Variants in ITGA11 observed in about 807,000 individuals in gnomAD.
The protein encoded by ITGA11 is integrin alpha-11.
ITGA11 carries 97 observed loss-of-function variants against 141.9 expected under a neutral mutation model. The observed-to-expected ratio is 0.68, with a 90% CI of 0.58 to 0.81. ITGA11 has a LOEUF of 0.81. ITGA11 is among the 30% of genes least tolerant of loss of function. The pLI, the probability that ITGA11 is intolerant of heterozygous loss-of-function variation, is 0.00. For synonymous variants in ITGA11, 658 were observed against 624.6 expected (o/e 1.05, Z -0.80); for missense variants, 1,387 against 1,559.2 (o/e 0.89, Z 1.86).
chr15:68,329,657 C>T (rs1041832327), intron 15 of ITGA11, among the ~76,000 whole-genome samples: 6 of 152,186 alleles, frequency 3.9e-5, no homozygotes, highest in East Asian at 1.9e-4. Flanking sequence ...CTGTGTACCT[C>T]CTCCCCGGGC....
intron 1 of ITGA11, among the ~76,000 whole-genome samples, chr15:68,411,941 C>T (rs543437237): frequency 5.9e-5 from 9 of 152,104 alleles, no homozygotes; most frequent in African/African-American, 2.2e-4. Flanking sequence ...CTGAGTTGCC[C>T]CAGCCCAACC....
intron 2 of ITGA11, among the ~76,000 whole-genome samples, chr15:68,376,137 C>A (rs777043902): frequency 2.6e-5 from 4 of 152,160 alleles, no homozygotes; most frequent in African/African-American, 9.7e-5. Context: ...TGGCGACTCT[C>A]ACTGGGCTCA....
At chr15:68,373,311 C>G (rs866621323) in intron 2 of ITGA11, among the ~76,000 whole-genome samples, 1 of 152,146 alleles carries the variant, frequency 6.6e-6, no homozygotes, top group African/African-American at 2.4e-5. Flanking sequence ...TGAAGGCACT[C>G]GGCAAAGAGG....
chr15:68,423,268 G>A (rs1225197069), intron 1 of ITGA11, among the ~76,000 whole-genome samples: 1 of 152,130 alleles, frequency 6.6e-6, no homozygotes, highest in Non-Finnish European at 1.5e-5. Context: ...GGGAAGTACA[G>A]GACACCTTGG....
intron 2 of ITGA11, among the ~76,000 whole-genome samples, chr15:68,394,818 T>G (rs1218539993): frequency 6.6e-6 from 1 of 152,168 alleles, no homozygotes. Flanking sequence ...AAAATTTGAA[T>G]GAAATGTACA....
intron 1 of ITGA11, among the ~76,000 whole-genome samples, chr15:68,422,105 G>C (rs555066003): frequency 6.6e-6 from 1 of 152,304 alleles, no homozygotes; most frequent in Admixed American, 6.5e-5. Flanking sequence ...GGGGTGGAGG[G>C]ATAGAGGCTC....
intron 10 of ITGA11, among the ~76,000 whole-genome samples, chr15:68,342,084 A>C (rs978850087): frequency 6.6e-6 from 1 of 152,214 alleles, no homozygotes; most frequent in Non-Finnish European, 1.5e-5. Flanking sequence ...AGCAAGCCTT[A>C]GTATGTCACA....
intron 18 of ITGA11, among the ~76,000 whole-genome samples, chr15:68,323,056 T>G (rs1308819179): frequency 6.6e-6 from 1 of 152,168 alleles, no homozygotes; most frequent in Admixed American, 6.5e-5. Context: ...CACAAAGTCA[T>G]GTGTATCTTA....
chr15:68,394,226 T>C (rs902395618), intron 2 of ITGA11, among the ~76,000 whole-genome samples: 1 of 152,196 alleles, frequency 6.6e-6, no homozygotes, highest in African/African-American at 2.4e-5. Context: ...ATTTAAAATA[T>C]TGCCAACAAA....
intron 2 of ITGA11, among the ~76,000 whole-genome samples, chr15:68,392,124 T>C (rs2140392357): frequency 1.3e-5 from 2 of 152,294 alleles, no homozygotes; most frequent in South Asian, 4.1e-4. Context: ...TGATAAGTGC[T>C]ATGAAAAGAG....
chr15:68,355,566 C>T (rs117916093), intron 7 of ITGA11, among the ~76,000 whole-genome samples: 1 of 151,912 alleles, frequency 6.6e-6, no homozygotes, highest in Admixed American at 6.5e-5. Context: ...CCCACCTCAT[C>T]CTCCTGAATA....
rs567533338 is a variant in ITGA11, at chr15:68,327,219, A to G, written c.2069-423T>C. ...GCCTTTGCTGGGTACTTCCTCTCACACCAAGGAGGGCTGGCCAGCCCCTTC... is the reference window on the plus strand; with the variant it reads ...GCCTTTGCTGGGTACTTCCTCTCACGCCAAGGAGGGCTGGCCAGCCCCTTC... On this transcript the variant is annotated intron_variant, in intron 16 of 29. Transcript: ENST00000315757. 2.0e-5 allele frequency among the ~76,000 whole-genome samples: 3 copies of G among 152,092 alleles called. No individual in the cohort carries two copies. In the South Asian group the frequency reaches 6.2e-4, roughly 32 times the overall value.
At chr15:68,418,082 C>T (rs1323433040) in intron 1 of ITGA11, among the ~76,000 whole-genome samples, 3 of 152,152 alleles carry the variant, frequency 2.0e-5, no homozygotes, top group East Asian at 3.9e-4. Context: ...AGCTTGAAAA[C>T]GACCATGGTG....
At chr15:68,351,523 G>T in intron 7 of ITGA11, 121 bp from the exon 8 acceptor site, 1 of 1,071,240 alleles carries the variant, frequency 9.3e-7, no homozygotes, top group East Asian at 2.4e-5. Flanking sequence ...CAACCCAACA[G>T]GTGCCAGGAC....
chr15:68,363,032 G>A (rs1895301224), intron 4 of ITGA11, among the ~76,000 whole-genome samples: 1 of 152,142 alleles, frequency 6.6e-6, no homozygotes, highest in Admixed American at 6.5e-5. Flanking sequence ...GAATTGATGG[G>A]TGGATGAATG....
rs762289845 is a variant in ITGA11 at position 68,348,854 on chromosome 15, C to T, written c.1107G>A (p.Thr369=). The change falls in exon 10 of 30, where the codon ACG becomes ACA. Residue 369 remains threonine (T), a synonymous_variant. Transcript: ENST00000315757. ...CCTCCACCACGTGCGAGGAAAAGCCCGTCTGTGACATCTCCAGCCCAAAGG... is the reference window on the plus strand; with the variant it reads ...CCTCCACCACGTGCGAGGAAAAGCCTGTCTGTGACATCTCCAGCCCAAAGG... The part of the protein sequence containing the change: ...ETSFGLEMSQ[T]GFSSHVVEDG... The T allele has an allele frequency of 2.7e-5, 43 of 1,609,270 alleles. No individual in the cohort carries two copies. Among genetic ancestry groups the T allele is most frequent in the East Asian group, 6.7e-5 (3 of 44,696 alleles).
intron 2 of ITGA11, 67 bp downstream of exon 2, chr15:68,402,851 G>A: frequency 9.1e-7 from 1 of 1,095,714 alleles, no homozygotes; most frequent in Non-Finnish European, 1.4e-6. Flanking sequence ...CAGGGCACAG[G>A]GGCAGGATGG....
intron 11 of ITGA11, among the ~76,000 whole-genome samples, chr15:68,338,016 C>T (rs373604228): frequency 1.3e-5 from 2 of 152,188 alleles, no homozygotes; most frequent in Non-Finnish European, 2.9e-5. Flanking sequence ...CCAACCACAT[C>T]GTTTCTCTGA....
At chr15:68,368,205 G>C (rs1200046607) in intron 3 of ITGA11, among the ~76,000 whole-genome samples, 1 of 152,136 alleles carries the variant, frequency 6.6e-6, no homozygotes, top group Non-Finnish European at 1.5e-5. Context: ...CTCCCAGGGA[G>C]ACCCACCCCA....
Sources: gnomAD v4.1 joint callset for allele counts (sites outside exome capture counted in the v4.1 genomes callset) on GRCh38, gnomAD v4.1.1 for gene constraint, MANE v1.5 for transcripts, NCBI Gene and HGNC (gene_info 2026-07-23, HGNC 2026-07-21) for gene names.